SPON1: variants seen among roughly 807,000 people sequenced by gnomAD.
The protein encoded by SPON1 is spondin-1.
Under a neutral mutation model 111.7 loss-of-function variants are expected in SPON1, and 52 were observed. The observed-to-expected ratio is 0.47, with a 90% CI of 0.37 to 0.59. The LOEUF is 0.59. SPON1 is among the 20% of genes least tolerant of loss of function. SPON1 has a pLI of 0.00. For synonymous variants in SPON1, 410 were observed against 395.8 expected (o/e 1.04, Z -0.43); for missense variants, 957 against 1,068.5 (o/e 0.90, Z 1.46).
intron 2 of SPON1, among the ~76,000 whole-genome samples, chr11:13,991,305 T>C (rs1284132204): frequency 6.6e-6 from 1 of 152,232 alleles, no homozygotes; most frequent in Non-Finnish European, 1.5e-5. Flanking sequence ...TCTTGCCTGC[T>C]CTCTTTATTT....
At chr11:14,079,183 T>A (rs1848941132) in intron 4 of SPON1, among the ~76,000 whole-genome samples, 2 of 152,148 alleles carry the variant, frequency 1.3e-5, no homozygotes, top group African/African-American at 4.8e-5. Context: ...ATTCATGTAA[T>A]CTCTCTTTCC....
intron 5 of SPON1, among the ~76,000 whole-genome samples, chr11:14,122,550 C>T (rs1263271299): frequency 6.6e-6 from 1 of 152,198 alleles, no homozygotes; most frequent in Non-Finnish European, 1.5e-5. Context: ...TGTTAAACCA[C>T]TTGTTTTTAT....
intron 2 of SPON1, among the ~76,000 whole-genome samples, chr11:14,010,318 G>A (rs1564885092): frequency 6.6e-6 from 1 of 152,064 alleles, no homozygotes; most frequent in Non-Finnish European, 1.5e-5. Context: ...GGCCATATAA[G>A]AGGATTCATG....
intron 3 of SPON1, 51 bp from the exon 4 acceptor site, chr11:14,075,294 C>A: frequency 7.0e-7 from 1 of 1,436,632 alleles, no homozygotes; most frequent in Non-Finnish European, 9.6e-7. Context: ...ATCTCCCAAA[C>A]CTGCCTTCCT....
chr11:14,049,476 C>T (rs1848692873), intron 3 of SPON1, among the ~76,000 whole-genome samples: 1 of 152,182 alleles, frequency 6.6e-6, no homozygotes, highest in Admixed American at 6.5e-5. Context: ...AGATAAAGTC[C>T]AAATCCTGAT....
intron 7 of SPON1, among the ~76,000 whole-genome samples, chr11:14,253,775 C>G (rs1203914120): frequency 6.6e-6 from 1 of 152,224 alleles, no homozygotes; most frequent in African/African-American, 2.4e-5. Context: ...ACTTTCATGG[C>G]CTCTCTATGA....
rs550905199 is a variant in SPON1, at chr11:14,170,329, T to A, written c.825+34761T>A. ...AATGGTGTATAAGAATGCTTGTGATTTTTGCACATTGATTTTGTATCCTGA... is the reference window on the plus strand; with the variant it reads ...AATGGTGTATAAGAATGCTTGTGATATTTGCACATTGATTTTGTATCCTGA... On this transcript the variant is annotated intron_variant, in intron 6 of 15. Transcript: ENST00000576479. Among the ~76,000 whole-genome samples the A allele has an allele frequency of 9.8e-5, 15 of 152,306 alleles. No individual in the cohort carries two copies. In the East Asian group the frequency reaches 2.9e-3, roughly 29 times the overall value.
At chr11:14,114,075 A>C (rs529239425) in intron 5 of SPON1, among the ~76,000 whole-genome samples, 1 of 152,256 alleles carries the variant, frequency 6.6e-6, no homozygotes, top group African/African-American at 2.4e-5. Flanking sequence ...ACACTTTTTA[A>C]GTTATTAAAT....
intron 6 of SPON1, among the ~76,000 whole-genome samples, chr11:14,139,728 A>ATATATATATATATATATATATAT (rs1564913661): frequency 6.6e-6 from 1 of 151,120 alleles, no homozygotes; most frequent in African/African-American, 2.4e-5. Flanking sequence ...ATATATATTT[A>ATATATATATATATATATATATAT]AGTGAAAAGA....
At chr11:14,154,164 G>A (rs914077350) in intron 6 of SPON1, among the ~76,000 whole-genome samples, 1 of 152,188 alleles carries the variant, frequency 6.6e-6, no homozygotes, top group East Asian at 1.9e-4. Context: ...CTGGAGAATG[G>A]TGACCCTCTT....
chr11:14,196,464 A>C (rs1204755716), intron 6 of SPON1, among the ~76,000 whole-genome samples: 4 of 152,218 alleles, frequency 2.6e-5, no homozygotes, highest in Non-Finnish European at 5.9e-5. Flanking sequence ...GGTAAATTGT[A>C]TGTTATATAA....
chr11:14,129,351 A>T (rs1410051360), intron 5 of SPON1, among the ~76,000 whole-genome samples: 1 of 152,196 alleles, frequency 6.6e-6, no homozygotes, highest in Non-Finnish European at 1.5e-5. Flanking sequence ...CTGCTGCTAG[A>T]TACCATAAAT....
chr11:13,988,590 T>G (rs1848203537), intron 2 of SPON1, among the ~76,000 whole-genome samples: 1 of 152,218 alleles, frequency 6.6e-6, no homozygotes, highest in Non-Finnish European at 1.5e-5. Context: ...CTATGTTGAA[T>G]AGGAGTGGAG....
intron 6 of SPON1, among the ~76,000 whole-genome samples, chr11:14,240,639 T>TGTGTG (rs1848915644): frequency 1.2e-5 from 1 of 86,888 alleles, no homozygotes; most frequent in Non-Finnish European, 2.5e-5. Flanking sequence ...GTGTGTGTAG[T>TGTGTG]TATATATTAC....
intron 1 of SPON1, among the ~76,000 whole-genome samples, chr11:13,980,371 A>G (rs1267916370): frequency 1.3e-5 from 2 of 151,978 alleles, no homozygotes; most frequent in Admixed American, 6.6e-5. Flanking sequence ...CTGATCTTTT[A>G]CAGACATCAG....
At chr11:14,263,231 A>G (rs924285235) in intron 15 of SPON1, among the ~76,000 whole-genome samples, 9 of 152,176 alleles carry the variant, frequency 5.9e-5, no homozygotes, top group Non-Finnish European at 1.3e-4. Context: ...TTACCTGCCA[A>G]AAATAAATTT....
intron 2 of SPON1, among the ~76,000 whole-genome samples, chr11:13,996,261 A>G (rs1848271597): frequency 6.6e-6 from 1 of 152,182 alleles, no homozygotes; most frequent in African/African-American, 2.4e-5. Flanking sequence ...ATGCCTCTGC[A>G]GAGCTATAAT....
intron 2 of SPON1, among the ~76,000 whole-genome samples, chr11:14,000,743 C>A (rs988861464): frequency 2.6e-5 from 4 of 152,118 alleles, no homozygotes; most frequent in Admixed American, 2.6e-4. Context: ...CAGCCACACA[C>A]CCCCTGGCCC....
At chr11:14,003,654 A>G (rs1183290323) in intron 2 of SPON1, among the ~76,000 whole-genome samples, 9 of 152,266 alleles carry the variant, frequency 5.9e-5, no homozygotes, top group African/African-American at 1.9e-4. Context: ...CATAAGCACT[A>G]TTGGCATTTG....
Sources: gnomAD v4.1 joint callset for allele counts (sites outside exome capture counted in the v4.1 genomes callset) on GRCh38, gnomAD v4.1.1 for gene constraint, MANE v1.5 for transcripts, NCBI Gene and HGNC (gene_info 2026-07-23, HGNC 2026-07-21) for gene names.